NID1: variants seen among roughly 807,000 people sequenced by gnomAD.
NID1 encodes nidogen-1.
In NID1, 76 loss-of-function variants were observed where a neutral mutation model predicts 130.6. The ratio of observed to expected loss-of-function variants is 0.58; its 90% CI spans 0.48 to 0.70. NID1 has a LOEUF of 0.70. Ranked by LOEUF, NID1 falls within the 30% of genes least tolerant of loss-of-function variation. The pLI, the probability that NID1 is intolerant of heterozygous loss-of-function variation, is 0.00. For synonymous variants in NID1, 665 were observed against 675.1 expected (o/e 0.98, Z 0.23); for missense variants, 1,517 against 1,664.8 (o/e 0.91, Z 1.54).
intron 15 of NID1, among the ~76,000 whole-genome samples, chr1:235,982,977 T>C (rs933421500): frequency 3.3e-5 from 5 of 152,168 alleles, no homozygotes; most frequent in African/African-American, 2.4e-5. Context: ...TGAGTTCAAA[T>C]GATTCTTTTG....
At chr1:236,015,506 G>C (rs1658562745) in intron 10 of NID1, among the ~76,000 whole-genome samples, 1 of 152,058 alleles carries the variant, frequency 6.6e-6, no homozygotes, top group Admixed American at 6.6e-5. Flanking sequence ...ACTTAGCTGG[G>C]AGTGGTGGTG....
At chr1:235,978,281 T>C (rs908818245) in intron 19 of NID1, among the ~76,000 whole-genome samples, 3 of 152,242 alleles carry the variant, frequency 2.0e-5, no homozygotes, top group Non-Finnish European at 4.4e-5. Flanking sequence ...GCTCTGATTA[T>C]AACATAGAAT....
In NID1 at chr1:236,038,230, G is replaced by A. The variant is rs754060631; in HGVS notation, c.1159C>T (p.Arg387Cys). Residue 387 changes from arginine to cysteine, a missense_variant, in exon 5 of 20, where the codon CGC becomes TGC. Transcript: ENST00000264187. ...TGTCTGTTGTTAGCACACGTCTGGCGGGAATCCGTGTTATAGCTGAAAACT... is the reference window on the plus strand; with the variant it reads ...TGTCTGTTGTTAGCACACGTCTGGCAGGAATCCGTGTTATAGCTGAAAACT... Reference protein sequence around the residue: ...GVVFSYNTDSRQTCANNRHQC... With the variant: ...GVVFSYNTDSCQTCANNRHQC... The A allele has an allele frequency of 5.7e-5, 92 of 1,612,826 alleles. 1 individual carries two copies. The highest frequency in any genetic ancestry group is 1.6e-4 in the Middle Eastern group (1 of 6,080).
intron 4 of NID1, among the ~76,000 whole-genome samples, chr1:236,041,494 T>G (rs1484328643): frequency 1.3e-5 from 2 of 151,972 alleles, no homozygotes; most frequent in Non-Finnish European, 2.9e-5. Flanking sequence ...CAAGAGGAAA[T>G]AAATGTCAAA....
chr1:236,034,361 GC>G (rs1659187701), intron 5 of NID1, among the ~76,000 whole-genome samples: 1 of 146,870 alleles, frequency 6.8e-6, no homozygotes, highest in Non-Finnish European at 1.5e-5. Flanking sequence ...GGCAGAGGTT[GC>G]AGTGAGCTGA....
rs1657366207 is a variant in NID1, at chr1:235,979,453, C to A, written c.3510-346G>T. 1.3e-5 allele frequency among the ~76,000 whole-genome samples: 2 copies of A among 152,158 alleles called. No homozygotes were observed. Among genetic ancestry groups the A allele is most frequent in the Non-Finnish European group, 2.9e-5 (2 of 68,026 alleles). ...AGGCCGTGGGAATATTGCAGTTTAA[C>A]AACTATAATGAAGCAGGGACATGAA... On this transcript the variant is annotated intron_variant, in intron 18 of 19. Transcript: ENST00000264187. This position sits in a 1 kb window ranked among gnomAD's most constrained non-coding sequence, Gnocchi z 4.6.
chr1:236,039,370 T>A lies in NID1; in HGVS notation c.1136-1117A>T, dbSNP rs554027216. Among the ~76,000 whole-genome samples the A allele has an allele frequency of 1.4e-4, 21 of 151,800 alleles. No individual in the cohort carries two copies. The South Asian group carries it at 2.1e-3, about 15-fold the overall frequency. ...CTGGGACTGCAGGCGGGTGCCATTGTGCCTGGCTTATATTCTTTTTAATTT... is the reference window on the plus strand; with the variant it reads ...CTGGGACTGCAGGCGGGTGCCATTGAGCCTGGCTTATATTCTTTTTAATTT... On this transcript the variant is annotated intron_variant, in intron 4 of 19. Transcript: ENST00000264187.
At position 236,048,848 on chromosome 1, in the gene NID1, G is replaced by T; in HGVS notation, c.367C>A (p.Arg123=). 1 of 1,614,124 alleles carries T rather than the reference G, an allele frequency of 6.2e-7. No individual in the cohort carries two copies. The highest frequency in any genetic ancestry group is 1.3e-5 in the African/African-American group (1 of 75,046). ...GTGATGGAGGGGGATAAGTCTTCTC[G>T]ATAATAAACCTTCCCCAGGCCATCG... The part of the protein sequence containing the change: ...TTDGLGKVYY[R]EDLSPSITQR... Residue 123 remains arginine, a synonymous_variant, in exon 2 of 20, where the codon CGA becomes AGA. Transcript: ENST00000264187.
chr1:235,985,274 T>C, intron 15 of NID1, 105 bp downstream of exon 15: 1 of 1,172,180 alleles, frequency 8.5e-7, no homozygotes. Context: ...GACTGAGAAA[T>C]GTTTGTGAAA....
Position 236,011,175 on chromosome 1 carries a change from T to A in NID1, c.2527+746A>T, listed in dbSNP as rs149915787. ...CTTAAAAAGCGATGGGATGAAAATG[T>A]TTACTTATCTCTAATTGAAAACATT... On this transcript the variant is annotated intron_variant, in intron 12 of 19. Transcript: ENST00000264187. 6.2e-3 allele frequency among the ~76,000 whole-genome samples: 942 copies of A among 152,318 alleles called. 14 individuals carry two copies. The highest frequency in any genetic ancestry group is 0.022 in the African/African-American group (906 of 41,570).
Position 236,017,206 on chromosome 1 carries a change from T to A in NID1, c.2196A>T (p.Gly732=). The A allele has an allele frequency of 6.2e-7, 1 of 1,614,114 alleles. No individual in the cohort carries two copies. The highest frequency in any genetic ancestry group is 8.5e-7 in the Non-Finnish European group (1 of 1,180,006). The part of the protein sequence containing the change: ...GSHTICNNHP[G]TFRCECVEGY... ...CCTCCACACACTCGCAGCGGAAGGT[T>A]CCTGGGTGATTATTGCAGATTGTGT... The change falls in exon 10 of 20, where the codon GGA becomes GGT. Residue 732 remains glycine, a synonymous_variant. Coordinates refer to ENST00000264187, the MANE Select transcript of NID1 (RefSeq NM_002508.3).
intron 5 of NID1, among the ~76,000 whole-genome samples, chr1:236,034,839 T>C (rs771558776): frequency 7.2e-5 from 11 of 152,144 alleles, no homozygotes; most frequent in Non-Finnish European, 1.3e-4. Context: ...AAAGGTTACA[T>C]TGCATTGTTT....
chr1:236,054,752 C>T (rs2102849995), intron 1 of NID1, among the ~76,000 whole-genome samples: 1 of 151,838 alleles, frequency 6.6e-6, no homozygotes, highest in South Asian at 2.1e-4. Flanking sequence ...AGCAATTCTC[C>T]TGCCTCAGCC....
intron 12 of NID1, among the ~76,000 whole-genome samples, chr1:236,009,170 T>C (rs1281856646): frequency 2.6e-5 from 4 of 152,166 alleles, no homozygotes; most frequent in Non-Finnish European, 5.9e-5. Flanking sequence ...AGCAGGTGAC[T>C]AGGTCATGAA....
At chr1:235,980,007 A>AC (rs1657389086) in intron 17 of NID1, 62 bp from the exon 18 acceptor site, 2 of 1,587,932 alleles carry the variant, frequency 1.3e-6, no homozygotes, top group Non-Finnish European at 1.7e-6. Flanking sequence ...TTGTGCAAAA[A>AC]AAACAAGAGT....
intron 12 of NID1, among the ~76,000 whole-genome samples, chr1:236,005,577 A>AT (rs1216136406): frequency 3.9e-5 from 6 of 152,228 alleles, no homozygotes; most frequent in Non-Finnish European, 8.8e-5. Context: ...TATGTGCTAT[A>AT]TAAGTGTTAG....
rs57769010 is a variant in NID1, at chr1:236,063,153, CAAAAAA to C, written c.225+1696_225+1701del. ...TGTGCAACAGAGTGAGACTTCATCT[CAAAAAA>C]AAAAAAAAAAAAAAAAGTAAGCATA... On this transcript the variant is annotated intron_variant, in intron 1 of 19. Transcript: ENST00000264187. Among the ~76,000 whole-genome samples the C allele has an allele frequency of 7.9e-3, 628 of 79,682 alleles. 14 individuals carry two copies. The highest frequency in any genetic ancestry group is 0.063 in the Admixed American group (537 of 8,510). 52.3% of individuals were successfully genotyped at this position (79,682 alleles called of 152,430 possible).
In NID1 at chr1:236,011,967, C is replaced by G; in HGVS notation, c.2481G>C (p.Gln827His). 1 of 1,614,240 alleles carries G rather than the reference C, an allele frequency of 6.2e-7. No individual in the cohort carries two copies. Among genetic ancestry groups the G allele is most frequent in the East Asian group, 2.2e-5 (1 of 44,888 alleles). The change falls in exon 12 of 20, where the codon CAG (glutamine) becomes CAC (histidine). Residue 827 changes from glutamine to histidine, a missense_variant. Gln to His is a conservative substitution (Grantham distance 24, BLOSUM62 0). This residue lies in a region of NID1 where 1,329 missense variants were observed against 1,429.2 expected (regional missense o/e 0.93). Transcript: ENST00000264187. Reference protein sequence around the residue: ...CYNTPGSFTCQCKPGYQGDGF... With the variant: ...CYNTPGSFTCHCKPGYQGDGF... ...CGTCTCCCTGATAACCAGGTTTGCA[C>G]TGGCACGTGAAAGAGCCTGGAGTGT...
chr1:236,018,367 C>A (rs1309302970), intron 9 of NID1, among the ~76,000 whole-genome samples: 1 of 152,198 alleles, frequency 6.6e-6, no homozygotes, highest in South Asian at 2.1e-4. Flanking sequence ...CAGAGAAGCA[C>A]CCAACAATGT....
Sources: gnomAD v4.1 joint callset for allele counts (sites outside exome capture counted in the v4.1 genomes callset) on GRCh38, gnomAD v4.1.1 for gene constraint, gnomAD v4.1.1 regional missense constraint, Gnocchi (gnomAD v3.1) non-coding constraint, MANE v1.5 for transcripts, NCBI Gene and HGNC (gene_info 2026-07-23, HGNC 2026-07-21) for gene names.